SNTB1: variants seen among roughly 807,000 people sequenced by gnomAD.
SNTB1 encodes syntrophin beta 1, also known as beta-1-syntrophin.
Under a neutral mutation model 48.9 loss-of-function variants are expected in SNTB1, and 36 were observed. That is an observed-to-expected ratio of 0.74 (90% CI 0.56 to 0.97). The LOEUF is 0.97. SNTB1 is among the 50% of genes least tolerant of loss of function. The pLI is 0.00. For missense variants in SNTB1, 786 were observed against 703.4 expected (o/e 1.12, Z -1.33); for synonymous variants, 299 against 294.6 (o/e 1.01, Z -0.15).
intron 2 of SNTB1, chr8:120,654,978 C>A: frequency 2.2e-6 from 1 of 456,132 alleles, no homozygotes; most frequent in Non-Finnish European, 4.4e-6. Context: ...CAGGAGAATT[C>A]AAACCACATG....
Position 120,606,409 on chromosome 8 carries a change from A to G in SNTB1, c.996+26035T>C, listed in dbSNP as rs552325229. On this transcript the variant is annotated intron_variant, in intron 3 of 6. Coordinates refer to ENST00000517992, the MANE Select transcript of SNTB1 (RefSeq NM_021021.4). Reference sequence around the variant, plus strand: ...ACTATGTCAGTGCGTGTGTGTATATATGTGTGTGTGTGTGTGTGTGTGTGT... The same window carrying G: ...ACTATGTCAGTGCGTGTGTGTATATGTGTGTGTGTGTGTGTGTGTGTGTGT... Among the ~76,000 whole-genome samples, 14 of 147,964 alleles carry G rather than the reference A, an allele frequency of 9.5e-5. No individual in the cohort carries two copies. The East Asian group carries it at 1.8e-3, about 19-fold the overall frequency.
intron 3 of SNTB1, among the ~76,000 whole-genome samples, chr8:120,617,097 T>G (rs1168753971): frequency 2.0e-5 from 3 of 152,212 alleles, no homozygotes; most frequent in African/African-American, 7.2e-5. Flanking sequence ...CATTATGAGT[T>G]TTTTTGCAAT....
In SNTB1 at chr8:120,811,457, C is replaced by T. The variant is rs751920445; in HGVS notation, c.387G>A (p.Gly129=). 1.2e-6 allele frequency: 2 copies of T among 1,614,036 alleles called. No individual in the cohort carries two copies. Among genetic ancestry groups the T allele is most frequent in the Admixed American group, 3.3e-5 (2 of 60,024 alleles). Residue 129 remains glycine (G), a synonymous_variant, in exon 1 of 7, where the codon GGG becomes GGA. Transcript: ENST00000517992. The part of the protein sequence containing the change: ...ELGGLGISIK[G]GKENKMPILI... Reference sequence around the variant, plus strand: ...GGATGGGCATCTTGTTCTCCTTGCCCCCCTTGATGCTGATCCCCAGCCCGC... The same window carrying T: ...GGATGGGCATCTTGTTCTCCTTGCCTCCCTTGATGCTGATCCCCAGCCCGC...
chr8:120,646,744 C>T (rs1220040182), intron 2 of SNTB1, among the ~76,000 whole-genome samples: 4 of 152,038 alleles, frequency 2.6e-5, no homozygotes, highest in African/African-American at 9.7e-5. Flanking sequence ...GGAATGGTAC[C>T]AGTTCCTCCT....
chr8:120,775,747 GAA>G (rs1819724652), intron 1 of SNTB1, among the ~76,000 whole-genome samples: 1 of 150,230 alleles, frequency 6.7e-6, no homozygotes. Context: ...AGGAAGGAAG[GAA>G]GGAAGGAAAG....
intron 5 of SNTB1, 91 bp downstream of exon 5, chr8:120,548,671 C>A (rs1009360411): frequency 1.1e-5 from 12 of 1,118,966 alleles, no homozygotes; most frequent in Non-Finnish European, 1.3e-5. Context: ...TCCCCAGAGG[C>A]CAGTGATGAA....
intron 2 of SNTB1, among the ~76,000 whole-genome samples, chr8:120,647,312 A>C (rs1817314621): frequency 1.4e-5 from 2 of 142,466 alleles, no homozygotes; most frequent in Non-Finnish European, 1.5e-5. Context: ...TAGTGCTATA[A>C]ATTTCCCTCT....
At chr8:120,729,288 G>A (rs547744743) in intron 1 of SNTB1, among the ~76,000 whole-genome samples, 10 of 152,112 alleles carry the variant, frequency 6.6e-5, no homozygotes, top group African/African-American at 1.7e-4. Flanking sequence ...CTGGCCTGAC[G>A]TTTTAATAAT....
chr8:120,548,317 T>C (rs952632657), intron 5 of SNTB1, among the ~76,000 whole-genome samples: 1 of 152,186 alleles, frequency 6.6e-6, no homozygotes, highest in African/African-American at 2.4e-5. Context: ...GCCTCAGGCA[T>C]TTCTTTATAG....
intron 1 of SNTB1, among the ~76,000 whole-genome samples, chr8:120,756,335 A>T (rs1217215254): frequency 1.3e-5 from 2 of 152,074 alleles, no homozygotes; most frequent in Non-Finnish European, 2.9e-5. Flanking sequence ...ATTTTTTTCA[A>T]TGGATGGATG....
At chr8:120,587,675 AGAGGCCTGAGATCTATG>A (rs1238922405) in intron 3 of SNTB1, among the ~76,000 whole-genome samples, 193 of 152,348 alleles carry the variant, frequency 1.3e-3, no homozygotes, top group African/African-American at 4.5e-3. Context: ...TGAAGAGCTC[AGAGGCCTGAGATCTATG>A]TGCTCTCTCA....
At position 120,811,853 on chromosome 8, in the gene SNTB1, A is replaced by G. The variant is rs1820444381; in HGVS notation, c.-10T>C. ...CCGCCGCTACCGCCATCTTTCCGGC[A>G]TTCTTAAAATGCCATGTGATTGGAA... is the stretch of plus-strand genomic sequence containing the variant. On this transcript the variant is annotated 5_prime_UTR_variant, in exon 1 of 7. The change abolishes an upstream ATG in the 5' untranslated region. Transcript: ENST00000517992. The G allele has an allele frequency of 4.5e-6, 6 of 1,339,558 alleles. No individual in the cohort carries two copies. In the East Asian group the frequency reaches 1.9e-4, roughly 41 times the overall value. The allele number at this position is 1,339,558 out of a possible 1,614,324, so 83.0% of individuals were successfully genotyped here.
At chr8:120,759,847 T>C (rs1288027708) in intron 1 of SNTB1, among the ~76,000 whole-genome samples, 1 of 151,168 alleles carries the variant, frequency 6.6e-6, no homozygotes, top group Admixed American at 6.6e-5. Flanking sequence ...TCTCTAAATG[T>C]GAGGATCCTC....
intron 1 of SNTB1, chr8:120,776,469 C>G (rs1819737593): frequency 6.6e-6 from 1 of 152,164 alleles, no homozygotes; most frequent in Admixed American, 6.5e-5. Context: ...TCTACAGACT[C>G]CAAGAGGTTC....
At chr8:120,717,594 A>G (rs1818582704) in intron 1 of SNTB1, among the ~76,000 whole-genome samples, 2 of 152,220 alleles carry the variant, frequency 1.3e-5, no homozygotes, top group Non-Finnish European at 2.9e-5. Context: ...ATCACGGGGA[A>G]GCTTCCAGCC....
intron 2 of SNTB1, among the ~76,000 whole-genome samples, chr8:120,692,099 C>G (rs1818138702): frequency 6.6e-6 from 1 of 152,164 alleles, no homozygotes; most frequent in Non-Finnish European, 1.5e-5. Context: ...TGCTGGCTTT[C>G]TTGTACAACT....
intron 4 of SNTB1, among the ~76,000 whole-genome samples, chr8:120,552,700 C>A (rs1454582920): frequency 6.6e-6 from 1 of 152,152 alleles, no homozygotes. Flanking sequence ...CTGGTTTCCC[C>A]ACCTTTTGGG....
At chr8:120,596,536 C>T (rs4387016) in intron 3 of SNTB1, among the ~76,000 whole-genome samples, 72,075 of 145,678 alleles carry the variant, frequency 0.49, 19,979 homozygotes, top group Non-Finnish European at 0.65. Flanking sequence ...GGCTGTGCTC[C>T]TGTCTGGAGG....
At chr8:120,762,183 A>G (rs10955987) in intron 1 of SNTB1, among the ~76,000 whole-genome samples, 76,655 of 152,084 alleles carry the variant, frequency 0.5, 22,883 homozygotes, top group African/African-American at 0.84. Flanking sequence ...ATTTCAAGAC[A>G]CACATAAAAG....
Sources: allele counts gnomAD v4.1 joint callset (sites outside exome capture counted in the v4.1 genomes callset), GRCh38; gene constraint gnomAD v4.1.1; transcripts MANE v1.5; gene names NCBI Gene and HGNC (gene_info 2026-07-23, HGNC 2026-07-21).